Variants in AJAP1 observed in about 807,000 individuals in gnomAD.
AJAP1 encodes the protein adherens junction-associated protein 1.
A neutral mutation model predicts 35.0 loss-of-function variants in AJAP1; 5 were observed. The observed-to-expected ratio is 0.14, with a 90% CI of 0.07 to 0.30. The LOEUF (loss-of-function observed/expected upper bound fraction) is 0.30. AJAP1 is among the 10% of genes least tolerant of loss of function. AJAP1 has a pLI of 1.00. For missense variants in AJAP1, 586 were observed against 571.0 expected, an observed-to-expected ratio of 1.03 and a Z score of -0.27; for synonymous variants, 284 against 249.3, an observed-to-expected ratio of 1.14 and a Z score of -1.31.
In AJAP1 at chr1:4,786,996, C is replaced by T. The variant is rs1470747598; in HGVS notation, c.*4511C>T. The T allele has an allele frequency of 6.6e-6, 1 of 152,314 alleles. No homozygotes were observed. The highest frequency in any genetic ancestry group is 1.5e-5 in the Non-Finnish European group (1 of 68,134). The allele number at this position is 152,314 out of a possible 1,614,324, so 9.4% of individuals were successfully genotyped here. A position where few individuals can be genotyped will look rare whatever the true frequency, so the allele number is the denominator to read the frequency against. ...TCTCAAGTCGCAGTGGGAAAAGATA[C>T]CAAGACACCTGATTTCTTGAACCAT... On this transcript the variant is annotated 3_prime_UTR_variant, in exon 6 of 6. Transcript: ENST00000378191.
chr1:4,701,941 C>T (rs1470707230), intron 1 of AJAP1, among the ~76,000 whole-genome samples: 3 of 152,200 alleles, frequency 2.0e-5, no homozygotes, highest in Non-Finnish European at 4.4e-5. Flanking sequence ...CCCAACACCC[C>T]GCCATGCACA....
intron 1 of AJAP1, among the ~76,000 whole-genome samples, chr1:4,682,625 C>G (rs529448395): frequency 6.6e-6 from 1 of 152,300 alleles, no homozygotes; most frequent in Admixed American, 6.5e-5. Flanking sequence ...CTAATGGCCA[C>G]CAGAGCTATG....
chr1:4,777,139 C>T (rs924880420), intron 5 of AJAP1, among the ~76,000 whole-genome samples: 1 of 152,170 alleles, frequency 6.6e-6, no homozygotes, highest in Non-Finnish European at 1.5e-5. Flanking sequence ...TGGACATGAG[C>T]GTCGGGTGCA....
intron 2 of AJAP1, among the ~76,000 whole-genome samples, chr1:4,745,741 T>A (rs1641172982): frequency 6.6e-6 from 1 of 152,142 alleles, no homozygotes; most frequent in African/African-American, 2.4e-5. Context: ...GGATGGTGGG[T>A]GGAGTCAAAG....
rs1639794988 is a variant in AJAP1 at position 4,693,721 on chromosome 1, G to A, written c.30-18179G>A. Reference sequence around the variant, plus strand: ...GAGGCTGGGGCACCCAAGGTCAAGGGGCCCACGTCTCGCTGGGGCTTCTTG... The same window carrying A: ...GAGGCTGGGGCACCCAAGGTCAAGGAGCCCACGTCTCGCTGGGGCTTCTTG... On this transcript the variant is annotated intron_variant, in intron 1 of 5. Transcript: ENST00000378191. The surrounding 1 kb of genome is among the most constrained non-coding windows in gnomAD (Gnocchi z 4.4). Among the ~76,000 whole-genome samples the A allele has an allele frequency of 6.6e-6, 1 of 152,322 alleles. No homozygotes were observed. Among genetic ancestry groups the A allele is most frequent in the Admixed American group, 6.5e-5 (1 of 15,298 alleles).
rs748828365 is a variant in AJAP1, at chr1:4,787,965, G to T, written c.*5480G>T. The T allele has an allele frequency of 4.3e-5, 14 of 328,014 alleles. No homozygotes were observed. The highest frequency in any genetic ancestry group is 8.6e-5 in the Non-Finnish European group (14 of 163,628). The allele number at this position is 328,014 out of a possible 1,614,324, so 20.3% of individuals were successfully genotyped here. A position where few individuals can be genotyped will look rare whatever the true frequency, so the allele number is the denominator to read the frequency against. On this transcript the variant is annotated 3_prime_UTR_variant, in exon 6 of 6. Coordinates refer to ENST00000378191, the MANE Select transcript of AJAP1 (RefSeq NM_018836.4). ...GTAATTTTTGAGTGGTTACTTTGGT[G>T]CAGTTTGTCAATTTGCTCTACCATA...
intron 1 of AJAP1, among the ~76,000 whole-genome samples, chr1:4,685,638 G>T (rs900865236): frequency 1.8e-4 from 21 of 119,758 alleles, no homozygotes; most frequent in Non-Finnish European, 3.2e-4. Context: ...CTCATTGCCG[G>T]GACCCAAGAC....
chr1:4,686,364 G>A (rs954659466), intron 1 of AJAP1, among the ~76,000 whole-genome samples: 7 of 152,196 alleles, frequency 4.6e-5, no homozygotes, highest in East Asian at 1.9e-4. Context: ...TGATTGCCCC[G>A]CCTTCCTCTG....
intron 5 of AJAP1, among the ~76,000 whole-genome samples, chr1:4,781,412 G>C (rs1049965910): frequency 1.3e-5 from 2 of 152,148 alleles, no homozygotes; most frequent in African/African-American, 2.4e-5. Flanking sequence ...CCAGAGGTGG[G>C]CCTGGGAATC....
chr1:4,678,076 C>T (rs1261173636), intron 1 of AJAP1, among the ~76,000 whole-genome samples: 1 of 152,172 alleles, frequency 6.6e-6, no homozygotes, highest in East Asian at 1.9e-4. Flanking sequence ...GCCATGCCAG[C>T]AAGACTGCAG....
chr1:4,779,202 A>G (rs1642013344), intron 5 of AJAP1, among the ~76,000 whole-genome samples: 1 of 152,200 alleles, frequency 6.6e-6, no homozygotes, highest in Admixed American at 6.5e-5. Flanking sequence ...GAGATTTGCA[A>G]CTTGAAATCA....
At chr1:4,761,655 C>T (rs1403500568) in intron 2 of AJAP1, among the ~76,000 whole-genome samples, 2 of 152,212 alleles carry the variant, frequency 1.3e-5, no homozygotes, top group African/African-American at 4.8e-5. Flanking sequence ...CTCGCACGTT[C>T]ACAAGATGAG....
intron 1 of AJAP1, among the ~76,000 whole-genome samples, chr1:4,665,093 C>T (rs140401171): frequency 2.6e-5 from 4 of 152,078 alleles, no homozygotes; most frequent in East Asian, 1.9e-4. Context: ...TTTCAGTCGA[C>T]GCCCCCACCC....
chr1:4,712,831 C>A, intron 2 of AJAP1, 132 bp downstream of exon 2: 2 of 938,830 alleles, frequency 2.1e-6, no homozygotes, highest in South Asian at 2.4e-5. Context: ...GTGATGTGTC[C>A]ATGAGCTTGC....
chr1:4,749,835 C>T (rs748744389), intron 2 of AJAP1, among the ~76,000 whole-genome samples: 30 of 152,050 alleles, frequency 2.0e-4, no homozygotes, highest in Non-Finnish European at 2.8e-4. Context: ...CACTCGTGCA[C>T]GCCTGTGTGT....
At chr1:4,687,123 CT>C (rs1639623484) in intron 1 of AJAP1, among the ~76,000 whole-genome samples, 1 of 152,024 alleles carries the variant, frequency 6.6e-6, no homozygotes, top group African/African-American at 2.4e-5. Flanking sequence ...TCGCTCTTTC[CT>C]TTCCTCCTCT....
intron 1 of AJAP1, among the ~76,000 whole-genome samples, chr1:4,659,483 C>T (rs72857927): frequency 0.018 from 2,668 of 152,156 alleles, 70 homozygotes; most frequent in African/African-American, 0.061. Flanking sequence ...CATGAGGCCT[C>T]GGAGCAGGGA....
intron 2 of AJAP1, among the ~76,000 whole-genome samples, chr1:4,757,499 C>A (rs1641460237): frequency 1.3e-5 from 2 of 152,196 alleles, no homozygotes; most frequent in African/African-American, 4.8e-5. Context: ...ACTGGCCCAG[C>A]CCACAGACAA....
intron 1 of AJAP1, among the ~76,000 whole-genome samples, chr1:4,664,028 C>T (rs1002496618): frequency 6.6e-6 from 1 of 152,128 alleles, no homozygotes; most frequent in Admixed American, 6.5e-5. Flanking sequence ...ATGTAGCAGG[C>T]ACTGTTCTAT....
Sources: allele counts gnomAD v4.1 joint callset (sites outside exome capture counted in the v4.1 genomes callset), GRCh38; gene constraint gnomAD v4.1.1; non-coding constraint Gnocchi (gnomAD v3.1); transcripts MANE v1.5; gene names NCBI Gene and HGNC (gene_info 2026-07-23, HGNC 2026-07-21).